ARHGAP15: variants seen among roughly 807,000 people sequenced by gnomAD.
ARHGAP15 encodes Rho GTPase activating protein 15.
In ARHGAP15, 51 loss-of-function variants were observed where a neutral mutation model predicts 63.7. That is an observed-to-expected ratio of 0.80 (90% CI 0.64 to 1.01). ARHGAP15 has a LOEUF of 1.01. Ranked by LOEUF, ARHGAP15 falls within the 50% of genes least tolerant of loss-of-function variation. The probability of loss-of-function intolerance (pLI) is 0.00; values close to 1 mark genes in which losing one functional copy is unlikely to be tolerated. For missense variants in ARHGAP15, 560 were observed against 564.6 expected, an observed-to-expected ratio of 0.99 and a Z score of 0.08; for synonymous variants, 191 against 193.8, an observed-to-expected ratio of 0.99 and a Z score of 0.12.
chr2:143,514,862 G>A (rs1371142032), intron 9 of ARHGAP15, among the ~76,000 whole-genome samples: 1 of 152,152 alleles, frequency 6.6e-6, no homozygotes, highest in Non-Finnish European at 1.5e-5. Flanking sequence ...AAGAGGATGA[G>A]TAGAAATCTG....
At chr2:143,557,162 A>G (rs1262431881) in intron 11 of ARHGAP15, among the ~76,000 whole-genome samples, 1 of 151,942 alleles carries the variant, frequency 6.6e-6, no homozygotes, top group Non-Finnish European at 1.5e-5. Context: ...TGAGTTAAAA[A>G]CTCATGTACA....
At chr2:143,329,394 A>G (rs1335812737) in intron 6 of ARHGAP15, among the ~76,000 whole-genome samples, 1 of 152,184 alleles carries the variant, frequency 6.6e-6, no homozygotes, top group Non-Finnish European at 1.5e-5. Context: ...AAACAGCCAC[A>G]TTATGTTCTG....
chr2:143,643,993 A>C (rs911464343), intron 12 of ARHGAP15, among the ~76,000 whole-genome samples: 1 of 152,096 alleles, frequency 6.6e-6, no homozygotes, highest in Non-Finnish European at 1.5e-5. Flanking sequence ...TTGTAGGGGC[A>C]AAAAAGTACA....
At chr2:143,763,327 T>A (rs1419076871) in intron 13 of ARHGAP15, among the ~76,000 whole-genome samples, 1 of 152,160 alleles carries the variant, frequency 6.6e-6, no homozygotes, top group African/African-American at 2.4e-5. Flanking sequence ...ATACGTAAGC[T>A]TCCATTTGAA....
At chr2:143,492,145 G>C (rs780830593) in intron 9 of ARHGAP15, among the ~76,000 whole-genome samples, 1 of 152,180 alleles carries the variant, frequency 6.6e-6, no homozygotes, top group African/African-American at 2.4e-5. Context: ...GCCTCCCAAA[G>C]TGCTAGGATT....
chr2:143,229,691 A>G (rs899120241), intron 5 of ARHGAP15, among the ~76,000 whole-genome samples: 1 of 152,334 alleles, frequency 6.6e-6, no homozygotes, highest in Non-Finnish European at 1.5e-5. Flanking sequence ...TGTATTTGAC[A>G]GGTAATAAAA....
At chr2:143,359,770 T>G (rs1685959843) in intron 6 of ARHGAP15, among the ~76,000 whole-genome samples, 1 of 152,210 alleles carries the variant, frequency 6.6e-6, no homozygotes, top group Non-Finnish European at 1.5e-5. Context: ...GGTTTTAACT[T>G]TTATTTTAAT....
At chr2:143,200,767 A>G (rs527509000) in intron 2 of ARHGAP15, among the ~76,000 whole-genome samples, 1 of 152,214 alleles carries the variant, frequency 6.6e-6, no homozygotes, top group Non-Finnish European at 1.5e-5. Flanking sequence ...AATTTGTTCT[A>G]AAAGTACATA....
At chr2:143,382,320 A>G (rs985805786) in intron 6 of ARHGAP15, among the ~76,000 whole-genome samples, 3 of 152,134 alleles carry the variant, frequency 2.0e-5, no homozygotes, top group African/African-American at 7.2e-5. Context: ...GCACGCTCCC[A>G]CTGAAACCTG....
Position 143,322,229 on chromosome 2 carries a change from T to G in ARHGAP15, c.474+71629T>G, listed in dbSNP as rs1684056164. Among the ~76,000 whole-genome samples, 3 of 152,208 alleles carry G rather than the reference T, an allele frequency of 2.0e-5. No homozygotes were observed. In the South Asian group the frequency reaches 6.2e-4, roughly 32 times the overall value. ...TGGCTGGACTCCTAAGCAGTTTGTT[T>G]CTGTCAGGCTGACTGATGGCACTTA... On this transcript the variant is annotated intron_variant, in intron 6 of 13. Coordinates refer to ENST00000295095, the MANE Select transcript of ARHGAP15 (RefSeq NM_018460.4).
intron 9 of ARHGAP15, among the ~76,000 whole-genome samples, chr2:143,511,304 AT>A (rs536455508): frequency 1.3e-5 from 2 of 151,960 alleles, no homozygotes; most frequent in Admixed American, 6.6e-5. Flanking sequence ...CAGAAAATGA[AT>A]TTTTTTTCCC....
intron 1 of ARHGAP15, among the ~76,000 whole-genome samples, chr2:143,142,493 T>A (rs1173586553): frequency 6.6e-6 from 1 of 152,090 alleles, no homozygotes; most frequent in Admixed American, 6.6e-5. Context: ...CCAAAGCATT[T>A]TTTTAAAAAA....
intron 13 of ARHGAP15, among the ~76,000 whole-genome samples, chr2:143,745,920 G>A (rs1686145855): frequency 6.6e-6 from 1 of 152,146 alleles, no homozygotes; most frequent in Non-Finnish European, 1.5e-5. Context: ...AGAAAAATCA[G>A]GCTTTCTGTT....
rs150912893 is a variant in ARHGAP15, at chr2:143,701,525, G to A, written c.1139-1894G>A. 7.9e-5 allele frequency among the ~76,000 whole-genome samples: 12 copies of A among 152,240 alleles called. No individual in the cohort carries two copies. The East Asian group carries it at 2.3e-3, about 29-fold the overall frequency. On this transcript the variant is annotated intron_variant, in intron 12 of 13. Transcript: ENST00000295095. ...AAGGCAGAATGATTGCTTGAGCCCT[G>A]GAGTTCAAGACCTGCTTGGGCATCA...
intron 1 of ARHGAP15, among the ~76,000 whole-genome samples, chr2:143,129,985 T>C (rs1480011985): frequency 2.6e-5 from 4 of 152,132 alleles, no homozygotes; most frequent in Non-Finnish European, 5.9e-5. Flanking sequence ...AAGGAGCTTT[T>C]AAAATGTAAA....
At chr2:143,161,785 T>G (rs1477719016) in intron 2 of ARHGAP15, among the ~76,000 whole-genome samples, 1 of 151,838 alleles carries the variant, frequency 6.6e-6, no homozygotes, top group Non-Finnish European at 1.5e-5. Context: ...AATGATTGAT[T>G]AAGTGTTCTG....
At chr2:143,320,889 A>G (rs1357354778) in intron 6 of ARHGAP15, among the ~76,000 whole-genome samples, 1 of 152,152 alleles carries the variant, frequency 6.6e-6, no homozygotes, top group Non-Finnish European at 1.5e-5. Context: ...TGACTCTATC[A>G]GGTAACAACA....
At chr2:143,566,642 T>C (rs1000678663) in intron 11 of ARHGAP15, among the ~76,000 whole-genome samples, 6 of 152,118 alleles carry the variant, frequency 3.9e-5, no homozygotes, top group African/African-American at 1.4e-4. Flanking sequence ...CGGCTTCCTT[T>C]CTTTCTCAGA....
intron 4 of ARHGAP15, among the ~76,000 whole-genome samples, chr2:143,223,502 G>A (rs1477499542): frequency 6.6e-6 from 1 of 152,112 alleles, no homozygotes; most frequent in Non-Finnish European, 1.5e-5. Context: ...GGAAAAAATA[G>A]AAAACTATTC....
Sources: allele counts gnomAD v4.1 joint callset (sites outside exome capture counted in the v4.1 genomes callset), GRCh38; gene constraint gnomAD v4.1.1; transcripts MANE v1.5; gene names NCBI Gene and HGNC (gene_info 2026-07-23, HGNC 2026-07-21).